The following FAM117B variants were observed in gnomAD, a reference collection of about 807,000 sequenced individuals.
FAM117B encodes protein FAM117B.
FAM117B carries 22 observed loss-of-function variants against 52.8 expected under a neutral mutation model. The ratio of observed to expected loss-of-function variants is 0.42; its 90% confidence interval spans 0.30 to 0.59. The LOEUF is 0.59. FAM117B is among the 20% of genes least tolerant of loss of function. FAM117B has a pLI of 0.22. For synonymous variants in FAM117B, 309 were observed against 324.1 expected (o/e 0.95, Z 0.50); for missense variants, 678 against 802.6 (o/e 0.84, Z 1.88).
intron 1 of FAM117B, among the ~76,000 whole-genome samples, chr2:202,649,435 T>G (rs980709517): frequency 2.0e-5 from 3 of 152,260 alleles, no homozygotes; most frequent in Admixed American, 1.3e-4. Context: ...GAACCTTACA[T>G]ATAATTCTGT....
At chr2:202,643,075 A>G (rs1161331319) in intron 1 of FAM117B, among the ~76,000 whole-genome samples, 3 of 152,162 alleles carry the variant, frequency 2.0e-5, no homozygotes, top group African/African-American at 7.2e-5. Flanking sequence ...TAGTTTGAGA[A>G]GCATGTTGGG....
At chr2:202,743,564 A>G (rs1221210697) in intron 4 of FAM117B, among the ~76,000 whole-genome samples, 1 of 152,228 alleles carries the variant, frequency 6.6e-6, no homozygotes, top group African/African-American at 2.4e-5. Context: ...AGATTGGTGA[A>G]ATTCCTGAAA....
Position 202,766,919 on chromosome 2 carries a change from T to A in FAM117B, c.*1155T>A, listed in dbSNP as rs1254547681. ...AGCCGCAGAATCCTGTGACTGACAT[T>A]TTTCTTTGTGGTGGTGGTTGGCCCT... On this transcript the variant is annotated 3_prime_UTR_variant, in exon 8 of 8. Coordinates refer to ENST00000392238, the MANE Select transcript of FAM117B (RefSeq NM_173511.4). 3 of 152,556 alleles carry A rather than the reference T, an allele frequency of 2.0e-5. No homozygotes were observed. The highest frequency in any genetic ancestry group is 7.2e-5 in the African/African-American group (3 of 41,420). 9.5% of individuals were successfully genotyped at this position (152,556 alleles called of 1,614,324 possible). A position where few individuals can be genotyped will look rare whatever the true frequency, so the allele number is the denominator to read the frequency against.
chr2:202,652,330 G>C (rs1689969375), intron 1 of FAM117B, among the ~76,000 whole-genome samples: 1 of 151,984 alleles, frequency 6.6e-6, no homozygotes, highest in African/African-American at 2.4e-5. Flanking sequence ...CAAACTCATG[G>C]CTTCAGACAA....
At chr2:202,659,604 CTTTTTTTTTTTTTTT>C (rs71030981) in intron 1 of FAM117B, among the ~76,000 whole-genome samples, 1 of 62,284 alleles carries the variant, frequency 1.6e-5, no homozygotes, top group Non-Finnish European at 3.0e-5. Context: ...AGCCACCGTG[CTTTTTTTTTTTTTTT>C]TTTTTTTTTT....
chr2:202,704,939 T>C (rs1690850585), intron 2 of FAM117B, among the ~76,000 whole-genome samples: 1 of 152,018 alleles, frequency 6.6e-6, no homozygotes, highest in Non-Finnish European at 1.5e-5. Context: ...CTCAGGCCTT[T>C]CCACCTCCTA....
intron 3 of FAM117B, among the ~76,000 whole-genome samples, chr2:202,725,550 C>T (rs1691228539): frequency 6.6e-6 from 1 of 152,144 alleles, no homozygotes; most frequent in African/African-American, 2.4e-5. Context: ...AACTCCTGAC[C>T]TCAAGCAGTC....
chr2:202,637,965 C>T (rs1689713315), intron 1 of FAM117B, among the ~76,000 whole-genome samples: 1 of 151,358 alleles, frequency 6.6e-6, no homozygotes, highest in South Asian at 2.1e-4. Context: ...CAACCTCTGC[C>T]TCCCGGGTTC....
chr2:202,645,480 G>A (rs1348069032), intron 1 of FAM117B, among the ~76,000 whole-genome samples: 1 of 149,788 alleles, frequency 6.7e-6, no homozygotes, highest in African/African-American at 2.5e-5. Context: ...TAGTAGAGAC[G>A]GGGTTTCACT....
At chr2:202,655,283 A>G (rs1354806178) in intron 1 of FAM117B, among the ~76,000 whole-genome samples, 1 of 152,130 alleles carries the variant, frequency 6.6e-6, no homozygotes, top group Non-Finnish European at 1.5e-5. Flanking sequence ...GTTGAAGGGT[A>G]TTGGGGAGTT....
intron 1 of FAM117B, among the ~76,000 whole-genome samples, chr2:202,691,661 G>GTA (rs1553520263): frequency 6.9e-6 from 1 of 144,486 alleles, no homozygotes; most frequent in African/African-American, 2.6e-5. Context: ...GTGTGTGTGT[G>GTA]TGTGTGTGTG....
At chr2:202,711,559 A>G (rs908654730) in intron 2 of FAM117B, among the ~76,000 whole-genome samples, 1 of 151,992 alleles carries the variant, frequency 6.6e-6, no homozygotes, top group Non-Finnish European at 1.5e-5. Flanking sequence ...ATATGACCCT[A>G]TTTGTCCATT....
At chr2:202,746,587 G>C (rs1691637247) in intron 4 of FAM117B, among the ~76,000 whole-genome samples, 2 of 151,846 alleles carry the variant, frequency 1.3e-5, no homozygotes, top group Admixed American at 6.6e-5. Flanking sequence ...AGTATTAGAA[G>C]AAAGATTATT....
chr2:202,738,139 A>G (rs973625624), intron 4 of FAM117B, among the ~76,000 whole-genome samples: 8 of 152,312 alleles, frequency 5.3e-5, no homozygotes, highest in Admixed American at 3.9e-4. Flanking sequence ...TTGAGAGCTT[A>G]TTAGACATTC....
At chr2:202,734,368 A>T (rs889888196) in intron 4 of FAM117B, among the ~76,000 whole-genome samples, 2 of 152,204 alleles carry the variant, frequency 1.3e-5, no homozygotes, top group African/African-American at 4.8e-5. Context: ...AAAAACAGCA[A>T]CAACAAAAAA....
intron 2 of FAM117B, among the ~76,000 whole-genome samples, chr2:202,715,610 G>A (rs532133760): frequency 2.7e-3 from 403 of 152,010 alleles, no homozygotes; most frequent in African/African-American, 9.1e-3. Flanking sequence ...GGGCAGCCAG[G>A]CAGAGGGGCT....
intron 1 of FAM117B, among the ~76,000 whole-genome samples, chr2:202,677,484 A>AT (rs776011525): frequency 3.3e-5 from 5 of 152,156 alleles, no homozygotes; most frequent in Non-Finnish European, 7.4e-5. Flanking sequence ...TACCACTCTT[A>AT]CAGTATTTAT....
intron 1 of FAM117B, among the ~76,000 whole-genome samples, chr2:202,674,718 A>G (rs1225878119): frequency 6.6e-6 from 1 of 152,230 alleles, no homozygotes; most frequent in Non-Finnish European, 1.5e-5. Context: ...AATTTCTTCT[A>G]AAATACAAGT....
intron 1 of FAM117B, among the ~76,000 whole-genome samples, chr2:202,673,531 T>C (rs542615776): frequency 1.6e-5 from 2 of 124,734 alleles, no homozygotes; most frequent in South Asian, 5.7e-4. Flanking sequence ...CACTGCAACC[T>C]CCGCCTCCTG....
Sources: gnomAD v4.1 joint callset for allele counts (sites outside exome capture counted in the v4.1 genomes callset) on GRCh38, gnomAD v4.1.1 for gene constraint, MANE v1.5 for transcripts, NCBI Gene and HGNC (gene_info 2026-07-23, HGNC 2026-07-21) for gene names.